C8orf34: variants seen among roughly 807,000 people sequenced by gnomAD.
The protein encoded by C8orf34 is chromosome 8 open reading frame 34, also known as uncharacterized protein C8orf34.
In C8orf34, 65 loss-of-function variants were observed where a neutral mutation model predicts 68.3. The observed-to-expected ratio is 0.95, with a 90% confidence interval of 0.78 to 1.17. The LOEUF (loss-of-function observed/expected upper bound fraction) is 1.17, where lower values mean the gene tolerates loss of function less well. Ranked by LOEUF, C8orf34 falls within the 50% of genes most tolerant of loss-of-function variation. C8orf34 has a pLI of 0.00. For synonymous variants in C8orf34, 244 were observed against 241.2 expected (o/e 1.01, Z -0.11); for missense variants, 664 against 655.4 (o/e 1.01, Z -0.14).
chr8:68,744,381 G>A (rs189196649), intron 10 of C8orf34, among the ~76,000 whole-genome samples: 26,774 of 152,142 alleles, frequency 0.18, 2,526 homozygotes, highest in Middle Eastern at 0.3. Flanking sequence ...AAAGCTGGAC[G>A]GAGAATGACT....
intron 8 of C8orf34, among the ~76,000 whole-genome samples, chr8:68,680,965 G>A (rs556690450): frequency 3.3e-4 from 50 of 152,104 alleles, no homozygotes; most frequent in African/African-American, 1.1e-3. Flanking sequence ...TCCTTTCCCA[G>A]GGTATTAATA....
chr8:68,703,058 C>T (rs1442325775), intron 8 of C8orf34, among the ~76,000 whole-genome samples: 4 of 152,130 alleles, frequency 2.6e-5, no homozygotes, highest in Non-Finnish European at 5.9e-5. Flanking sequence ...CCTTAATGAG[C>T]TCTGACCTCT....
intron 6 of C8orf34, chr8:68,525,769 A>G (rs1814951327): frequency 1.7e-6 from 1 of 573,466 alleles, no homozygotes; most frequent in Non-Finnish European, 3.3e-6. Context: ...TAGATTCACC[A>G]GTGTAGCCAT....
At chr8:68,592,509 A>G (rs1029694054) in intron 7 of C8orf34, among the ~76,000 whole-genome samples, 3 of 144,354 alleles carry the variant, frequency 2.1e-5, no homozygotes, top group Non-Finnish European at 4.6e-5. Context: ...TCTGAATTCT[A>G]TTATTTATTC....
intron 8 of C8orf34, among the ~76,000 whole-genome samples, chr8:68,645,830 C>A (rs566005930): frequency 6.6e-6 from 1 of 152,076 alleles, no homozygotes; most frequent in South Asian, 2.1e-4. Flanking sequence ...TCAAATACTC[C>A]ACTGGTTGTA....
In C8orf34 at chr8:68,331,091, C is replaced by T. The variant is rs1040977015; in HGVS notation, c.79C>T (p.Arg27Cys). ...PGFRLSAPHA[R>C]VAPRAATHAR... ...CTTCCGGCTCTCAGCGCCCCACGCG[C>T]GCGTGGCTCCCCGGGCTGCCACCCA... The change falls in exon 1 of 14, where the codon CGC (arginine) becomes TGC (cysteine). Residue 27 changes from arginine to cysteine, a missense_variant. Physicochemically the swap from Arg to Cys is radical, Grantham distance 180. Coordinates refer to ENST00000518698, the MANE Select transcript of C8orf34 (RefSeq NM_052958.4). 2.7e-6 allele frequency: 4 copies of T among 1,490,348 alleles called. No homozygotes were observed. The highest frequency in any genetic ancestry group is 3.5e-6 in the Non-Finnish European group (4 of 1,130,220). The allele number at this position is 1,490,348 out of a possible 1,614,324, so 92.3% of individuals were successfully genotyped here.
intron 7 of C8orf34, among the ~76,000 whole-genome samples, chr8:68,545,986 A>G (rs1815864948): frequency 6.6e-6 from 1 of 152,122 alleles, no homozygotes; most frequent in Non-Finnish European, 1.5e-5. Flanking sequence ...ACATTATTAT[A>G]AGAGGTGATA....
intron 12 of C8orf34, among the ~76,000 whole-genome samples, chr8:68,804,712 G>T (rs902629502): frequency 6.6e-6 from 1 of 152,152 alleles, no homozygotes; most frequent in Non-Finnish European, 1.5e-5. Flanking sequence ...CGGGGAGGTC[G>T]ATGCTGCAGT....
intron 7 of C8orf34, among the ~76,000 whole-genome samples, chr8:68,581,993 A>G (rs145249510): frequency 3.2e-4 from 48 of 152,128 alleles, no homozygotes; most frequent in African/African-American, 1.1e-3. Context: ...GGAGGTAAAA[A>G]CAAAATTGTT....
chr8:68,390,720 A>T (rs1808446037), intron 1 of C8orf34, among the ~76,000 whole-genome samples: 1 of 152,126 alleles, frequency 6.6e-6, no homozygotes, highest in Non-Finnish European at 1.5e-5. Context: ...TAAAATGGAG[A>T]TGAAGGTTAC....
chr8:68,349,312 C>A (rs1481848861), intron 1 of C8orf34, among the ~76,000 whole-genome samples: 2 of 151,948 alleles, frequency 1.3e-5, no homozygotes, highest in Non-Finnish European at 2.9e-5. Flanking sequence ...GCTTTGCATC[C>A]TAGGGATGAA....
At chr8:68,688,932 C>T (rs548720103) in intron 8 of C8orf34, among the ~76,000 whole-genome samples, 8 of 152,168 alleles carry the variant, frequency 5.3e-5, no homozygotes, top group African/African-American at 1.9e-4. Context: ...TCATGACACA[C>T]ATTTACCTAT....
chr8:68,408,239 C>G (rs1809285616), intron 1 of C8orf34, among the ~76,000 whole-genome samples: 1 of 151,576 alleles, frequency 6.6e-6, no homozygotes, highest in South Asian at 2.1e-4. Flanking sequence ...GTCACTGTCT[C>G]CCATCACCCC....
intron 1 of C8orf34, among the ~76,000 whole-genome samples, chr8:68,408,123 C>G (rs181847627): frequency 9.0e-4 from 137 of 152,088 alleles, no homozygotes; most frequent in Middle Eastern, 3.4e-3. Flanking sequence ...CCTGTCAGGT[C>G]AGCAGCAGCA....
chr8:68,357,942 C>A (rs1201787034), intron 1 of C8orf34, among the ~76,000 whole-genome samples: 1 of 152,174 alleles, frequency 6.6e-6, no homozygotes, highest in African/African-American at 2.4e-5. Context: ...CAGACTCTAG[C>A]CCATTATCAT....
At chr8:68,726,703 G>A (rs1821840378) in intron 10 of C8orf34, among the ~76,000 whole-genome samples, 1 of 152,150 alleles carries the variant, frequency 6.6e-6, no homozygotes, top group Non-Finnish European at 1.5e-5. Flanking sequence ...ATCATGGTGG[G>A]AGGTGAAAGA....
At chr8:68,631,607 T>G (rs2130698594) in intron 7 of C8orf34, among the ~76,000 whole-genome samples, 1 of 152,322 alleles carries the variant, frequency 6.6e-6, no homozygotes, top group African/African-American at 2.4e-5. Context: ...ATTGATATTG[T>G]TTGGCTCTGT....
chr8:68,459,716 A>G (rs1174532166), intron 3 of C8orf34, among the ~76,000 whole-genome samples: 2 of 152,208 alleles, frequency 1.3e-5, no homozygotes, highest in African/African-American at 2.4e-5. Context: ...TCACATGTCT[A>G]TTGCAGCACT....
intron 1 of C8orf34, among the ~76,000 whole-genome samples, chr8:68,364,746 G>T (rs1327133100): frequency 3.6e-5 from 5 of 139,204 alleles, no homozygotes; most frequent in African/African-American, 1.1e-4. Flanking sequence ...ATTCAAAGCA[G>T]TGTGTAGAGG....
Sources: allele counts gnomAD v4.1 joint callset (sites outside exome capture counted in the v4.1 genomes callset), GRCh38; gene constraint gnomAD v4.1.1; transcripts MANE v1.5; gene names NCBI Gene and HGNC (gene_info 2026-07-23, HGNC 2026-07-21).